TNFRSF13B: variants seen among roughly 807,000 people sequenced by gnomAD.
TNFRSF13B encodes the protein tumor necrosis factor receptor superfamily member 13B.
Under a neutral mutation model 24.0 loss-of-function variants are expected in TNFRSF13B, and 34 were observed. The ratio of observed to expected loss-of-function variants is 1.41; its 90% CI spans 1.08 to 1.88. TNFRSF13B has a LOEUF of 1.88. TNFRSF13B is among the 40% of genes most tolerant of loss of function. The pLI, the probability that TNFRSF13B is intolerant of heterozygous loss-of-function variation, is 0.00. For synonymous variants in TNFRSF13B, 173 were observed against 150.3 expected (o/e 1.15, Z -1.10); for missense variants, 415 against 380.8 (o/e 1.09, Z -0.75).
intron 1 of TNFRSF13B, among the ~76,000 whole-genome samples, chr17:16,959,278 A>G (rs2087645641): frequency 6.6e-6 from 1 of 152,076 alleles, no homozygotes; most frequent in Non-Finnish European, 1.5e-5. Context: ...CTTGAGACAA[A>G]TGAAAATGAA....
rs147874958 is a variant in TNFRSF13B, at chr17:16,949,145, A to G, written c.200-162T>C. The stretch of plus-strand genomic sequence containing the variant: ...TTTTACAATATACACATTGAAGACT[A>G]TGCATTGTCCTCTAAGTACTATTTT... On this transcript the variant is annotated intron_variant, in intron 2 of 4. Coordinates refer to ENST00000261652, the MANE Select transcript of TNFRSF13B (RefSeq NM_012452.3). Among the ~76,000 whole-genome samples, 527 of 152,324 alleles carry G rather than the reference A, an allele frequency of 3.5e-3. 6 individuals are homozygous for G. Among genetic ancestry groups the G allele is most frequent in the African/African-American group, 0.012 (512 of 41,566 alleles).
intron 1 of TNFRSF13B, among the ~76,000 whole-genome samples, chr17:16,961,093 G>A (rs2087659221): frequency 6.6e-6 from 1 of 152,176 alleles, no homozygotes; most frequent in South Asian, 2.1e-4. Flanking sequence ...ATTAAAAATG[G>A]AAAATAAGCA....
intron 1 of TNFRSF13B, among the ~76,000 whole-genome samples, chr17:16,962,738 G>C (rs1308422430): frequency 1.3e-5 from 2 of 152,084 alleles, no homozygotes; most frequent in African/African-American, 4.8e-5. Flanking sequence ...CTTTCTAGGA[G>C]AGAGCAAGGA....
At chr17:16,949,159 A>G (rs1456680886) in intron 2 of TNFRSF13B, among the ~76,000 whole-genome samples, 176 bp from the exon 3 acceptor site, 1 of 152,178 alleles carries the variant, frequency 6.6e-6, no homozygotes, top group South Asian at 2.1e-4. Flanking sequence ...ATTGTCCTCT[A>G]AGTACTATTT....
At chr17:16,949,133 A>G in intron 2 of TNFRSF13B, 150 bp from the exon 3 acceptor site, 2 of 979,534 alleles carry the variant, frequency 2.0e-6, no homozygotes, top group Admixed American at 2.2e-5. Flanking sequence ...TACAATATAC[A>G]CATTGAAGAC....
intron 2 of TNFRSF13B, among the ~76,000 whole-genome samples, chr17:16,950,406 G>C (rs1436890381): frequency 6.6e-6 from 1 of 152,240 alleles, no homozygotes; most frequent in Non-Finnish European, 1.5e-5. Context: ...AGCTTAAGTA[G>C]AATATTCATT....
At chr17:16,955,981 A>T (rs1177626874) in intron 1 of TNFRSF13B, among the ~76,000 whole-genome samples, 1 of 152,212 alleles carries the variant, frequency 6.6e-6, no homozygotes, top group Non-Finnish European at 1.5e-5. Context: ...GCTACCTGTG[A>T]CCACTGAGGG....
intron 3 of TNFRSF13B, 103 bp downstream of exon 3, chr17:16,948,635 G>C (rs966637057): frequency 6.5e-7 from 1 of 1,538,154 alleles, no homozygotes; most frequent in African/African-American, 1.4e-5. Context: ...CTTGGACTCT[G>C]GGCTTCATGC....
intron 2 of TNFRSF13B, 73 bp downstream of exon 2, chr17:16,952,373 G>T: frequency 6.9e-6 from 11 of 1,605,498 alleles, no homozygotes; most frequent in Non-Finnish European, 9.4e-6. Flanking sequence ...CTGACTGTGG[G>T]GCCAGAGGGT....
rs148491385 is a variant in TNFRSF13B at position 16,954,215 on chromosome 17, T to C, written c.62-1632A>G. Among the ~76,000 whole-genome samples, 10 of 152,262 alleles carry C rather than the reference T, an allele frequency of 6.6e-5. No individual in the cohort carries two copies. The East Asian group carries it at 1.5e-3, about 23-fold the overall frequency. ...TTCAAGATCAGCCTGAGAAACATAGTGAGATCCTGTCTCTACAAAAGGATT... is the reference window on the plus strand; with the variant it reads ...TTCAAGATCAGCCTGAGAAACATAGCGAGATCCTGTCTCTACAAAAGGATT... On this transcript the variant is annotated intron_variant, in intron 1 of 4. Coordinates refer to ENST00000261652, the MANE Select transcript of TNFRSF13B (RefSeq NM_012452.3).
At chr17:16,966,988 G>A (rs577491181) in intron 1 of TNFRSF13B, among the ~76,000 whole-genome samples, 28 of 151,810 alleles carry the variant, frequency 1.8e-4, no homozygotes, top group African/African-American at 5.8e-4. Flanking sequence ...ACAGGCACTC[G>A]CCAGCATGCC....
At chr17:16,962,857 CG>C (rs1455707486) in intron 1 of TNFRSF13B, among the ~76,000 whole-genome samples, 1 of 151,516 alleles carries the variant, frequency 6.6e-6, no homozygotes, top group Non-Finnish European at 1.5e-5. Context: ...CACCGGGGGC[CG>C]GGGGAGGGGA....
At chr17:16,945,274 G>A (rs2087539610) in intron 3 of TNFRSF13B, among the ~76,000 whole-genome samples, 1 of 152,192 alleles carries the variant, frequency 6.6e-6, no homozygotes. Flanking sequence ...GAGGCTCCAA[G>A]GTTCTGCCCA....
intron 1 of TNFRSF13B, among the ~76,000 whole-genome samples, chr17:16,959,093 T>G (rs1420148236): frequency 6.6e-6 from 1 of 152,092 alleles, no homozygotes; most frequent in Non-Finnish European, 1.5e-5. Context: ...TTAAAATTTT[T>G]TAATTTTTTA....
At chr17:16,940,985 G>A (rs2087506217) in intron 3 of TNFRSF13B, 1 of 1,023,536 alleles carries the variant, frequency 9.8e-7, no homozygotes, top group Non-Finnish European at 1.2e-6. Flanking sequence ...GGATGTCCAA[G>A]TGCCTGATAC....
intron 1 of TNFRSF13B, among the ~76,000 whole-genome samples, chr17:16,963,550 TG>T (rs145434496): frequency 0.014 from 2,152 of 152,198 alleles, 47 homozygotes; most frequent in African/African-American, 0.049. Flanking sequence ...TTTTTGTTTT[TG>T]TTTTTTTGGT....
At chr17:16,967,603 T>G (rs1479052531) in intron 1 of TNFRSF13B, among the ~76,000 whole-genome samples, 3 of 149,606 alleles carry the variant, frequency 2.0e-5, no homozygotes, top group Non-Finnish European at 4.4e-5. Context: ...AAAAAAAAAA[T>G]TAGCCGGGCA....
chr17:16,951,284 A>C (rs959979269), intron 2 of TNFRSF13B, among the ~76,000 whole-genome samples: 1 of 152,232 alleles, frequency 6.6e-6, no homozygotes, highest in Non-Finnish European at 1.5e-5. Context: ...TGCTAGGCTC[A>C]AGTCAGACAT....
chr17:16,959,994 T>C (rs12051726), intron 1 of TNFRSF13B, among the ~76,000 whole-genome samples: 18,850 of 152,054 alleles, frequency 0.12, 1,284 homozygotes, highest in East Asian at 0.22. Flanking sequence ...AATACAAAAT[T>C]ACAATAAAGA....
Sources: gnomAD v4.1 joint callset for allele counts (sites outside exome capture counted in the v4.1 genomes callset) on GRCh38, gnomAD v4.1.1 for gene constraint, MANE v1.5 for transcripts, NCBI Gene and HGNC (gene_info 2026-07-23, HGNC 2026-07-21) for gene names.